Variants in CNTN5 observed in about 807,000 individuals in gnomAD.
The protein encoded by CNTN5 is contactin-5.
CNTN5 carries 77 observed loss-of-function variants against 129.1 expected under a neutral mutation model. The ratio of observed to expected loss-of-function variants is 0.60; its 90% CI spans 0.50 to 0.72. The LOEUF is 0.72. Ranked by LOEUF, CNTN5 falls within the 30% of genes least tolerant of loss-of-function variation. The pLI is 0.00. For synonymous variants in CNTN5, 509 were observed against 465.6 expected (o/e 1.09, Z -1.20); for missense variants, 1,478 against 1,328.8 (o/e 1.11, Z -1.75).
chr11:99,435,562 T>C (rs2135124582), intron 2 of CNTN5, among the ~76,000 whole-genome samples: 1 of 152,334 alleles, frequency 6.6e-6, no homozygotes, highest in South Asian at 2.1e-4. Context: ...ATGCATCTAC[T>C]TAACAGCAAA....
intron 20 of CNTN5, among the ~76,000 whole-genome samples, chr11:100,304,037 GT>G (rs894040915): frequency 6.6e-6 from 1 of 151,558 alleles, no homozygotes; most frequent in African/African-American, 2.4e-5. Flanking sequence ...AAAGTCAGAT[GT>G]ATAATCAATA....
At chr11:99,907,689 G>GAT (rs2135976017) in intron 6 of CNTN5, among the ~76,000 whole-genome samples, 1 of 151,806 alleles carries the variant, frequency 6.6e-6, no homozygotes, top group South Asian at 2.1e-4. Context: ...TAATTTAATA[G>GAT]ATATATATGA....
chr11:99,336,677 TA>T (rs1007510976), intron 2 of CNTN5, among the ~76,000 whole-genome samples: 6 of 151,988 alleles, frequency 3.9e-5, no homozygotes, highest in Non-Finnish European at 7.4e-5. Context: ...CCGTCTCTAC[TA>T]AAAGTACGAC....
chr11:99,740,741 C>T (rs1943863581), intron 3 of CNTN5, among the ~76,000 whole-genome samples: 1 of 152,130 alleles, frequency 6.6e-6, no homozygotes, highest in Non-Finnish European at 1.5e-5. Flanking sequence ...GCTGGATATG[C>T]ATGAAACACT....
chr11:100,139,238 C>T (rs1036492826), intron 13 of CNTN5, among the ~76,000 whole-genome samples: 22 of 151,972 alleles, frequency 1.4e-4, no homozygotes, highest in East Asian at 1.9e-4. Context: ...ATTAAAGCCC[C>T]GGTTTAGCTC....
chr11:100,354,604 A>G (rs2139047399), intron 24 of CNTN5, among the ~76,000 whole-genome samples: 1 of 151,814 alleles, frequency 6.6e-6, no homozygotes, highest in East Asian at 1.9e-4. Flanking sequence ...GAGTAAGCAT[A>G]GTCATGTATT....
At chr11:99,745,081 C>T (rs975195562) in intron 3 of CNTN5, among the ~76,000 whole-genome samples, 3 of 152,124 alleles carry the variant, frequency 2.0e-5, no homozygotes, top group African/African-American at 7.2e-5. Context: ...GGCATTTCAG[C>T]AAATTTCCTC....
intron 6 of CNTN5, among the ~76,000 whole-genome samples, chr11:99,873,903 C>G (rs1948568557): frequency 6.6e-6 from 1 of 151,980 alleles, no homozygotes; most frequent in Admixed American, 6.6e-5. Context: ...GATATCATAT[C>G]CTTTGCAGCA....
intron 1 of CNTN5, among the ~76,000 whole-genome samples, chr11:99,319,431 G>C (rs1003512147): frequency 3.3e-5 from 5 of 152,116 alleles, no homozygotes; most frequent in Non-Finnish European, 7.4e-5. Context: ...TAATGGGCTG[G>C]ATGCCCTTCC....
chr11:99,247,996 C>G (rs1400044667), intron 1 of CNTN5, among the ~76,000 whole-genome samples: 7 of 152,158 alleles, frequency 4.6e-5, no homozygotes, highest in Admixed American at 4.6e-4. Flanking sequence ...ATGGCTGGGT[C>G]AAATGGTATT....
At chr11:100,038,626 G>A (rs7931409) in intron 9 of CNTN5, among the ~76,000 whole-genome samples, 1 of 151,960 alleles carries the variant, frequency 6.6e-6, no homozygotes, top group East Asian at 1.9e-4. Flanking sequence ...GGTCACTAAG[G>A]ACTTGCTTTA....
intron 1 of CNTN5, among the ~76,000 whole-genome samples, chr11:99,092,200 G>GT (rs775240788): frequency 5.3e-5 from 8 of 152,072 alleles, no homozygotes; most frequent in South Asian, 2.1e-4. Flanking sequence ...TTTAAAAGTA[G>GT]TATCAATATA....
intron 2 of CNTN5, among the ~76,000 whole-genome samples, chr11:99,408,467 A>G (rs1942223889): frequency 1.5e-5 from 2 of 135,222 alleles, no homozygotes; most frequent in African/African-American, 5.3e-5. Flanking sequence ...AGAAAGAAAG[A>G]AAGAAAGAAA....
intron 3 of CNTN5, among the ~76,000 whole-genome samples, chr11:99,592,383 G>A (rs548537154): frequency 6.6e-6 from 1 of 152,320 alleles, no homozygotes; most frequent in East Asian, 1.9e-4. Context: ...AAAGTAGAAA[G>A]CAAGCCAGCA....
At chr11:99,832,051 C>T (rs1330385444) in intron 4 of CNTN5, among the ~76,000 whole-genome samples, 1 of 152,112 alleles carries the variant, frequency 6.6e-6, no homozygotes, top group African/African-American at 2.4e-5. Flanking sequence ...CTGTGCTGTA[C>T]ATTCATTAGC....
At chr11:99,493,533 T>A (rs924394383) in intron 2 of CNTN5, among the ~76,000 whole-genome samples, 3 of 152,156 alleles carry the variant, frequency 2.0e-5, no homozygotes, top group Non-Finnish European at 4.4e-5. Flanking sequence ...GTTTATAAAT[T>A]CAGTTAGCAA....
At chr11:99,774,300 A>G (rs115701451) in intron 3 of CNTN5, among the ~76,000 whole-genome samples, 188 of 151,544 alleles carry the variant, frequency 1.2e-3, no homozygotes, top group African/African-American at 4.5e-3. Context: ...TAATTTAGTG[A>G]TTGTTAAATG....
rs1330670139 is a variant in CNTN5 at position 100,279,271 on chromosome 11, C to CT, written c.2314+8036dup. 8.1e-5 allele frequency among the ~76,000 whole-genome samples: 12 copies of CT among 147,868 alleles called. No homozygotes were observed. In the East Asian group the frequency reaches 2.2e-3, roughly 27 times the overall value. On this transcript the variant is annotated intron_variant, in intron 18 of 24. Transcript: ENST00000524871. The stretch of plus-strand genomic sequence containing the variant: ...ATACCAGTCTATAGGTTTTTTTTTT[C>CT]TTTTTTGATACGTCTTTGTCTATTT...
chr11:99,268,350 C>T (rs146609406), intron 1 of CNTN5, among the ~76,000 whole-genome samples: 1 of 151,446 alleles, frequency 6.6e-6, no homozygotes, highest in African/African-American at 2.4e-5. Flanking sequence ...TAACCATTTC[C>T]AAAGGTTAAA....
Sources: allele counts gnomAD v4.1 joint callset (sites outside exome capture counted in the v4.1 genomes callset), GRCh38; gene constraint gnomAD v4.1.1; transcripts MANE v1.5; gene names NCBI Gene and HGNC (gene_info 2026-07-23, HGNC 2026-07-21).